CCDC73: variants seen among roughly 807,000 people sequenced by gnomAD.
CCDC73 encodes the protein coiled-coil domain-containing protein 73.
CCDC73 carries 95 observed loss-of-function variants against 116.5 expected under a neutral mutation model. That is an observed-to-expected ratio of 0.82 (90% confidence interval 0.69 to 0.97). CCDC73 has a LOEUF of 0.97. Ranked by LOEUF, CCDC73 falls within the 50% of genes least tolerant of loss-of-function variation. CCDC73 has a pLI of 0.00. For synonymous variants in CCDC73, 398 were observed against 401.3 expected (o/e 0.99, Z 0.10); for missense variants, 1,066 against 1,206.8 (o/e 0.88, Z 1.73).
chr11:32,787,483 G>C (rs1850638456), intron 1 of CCDC73, among the ~76,000 whole-genome samples: 1 of 152,000 alleles, frequency 6.6e-6, no homozygotes, highest in South Asian at 2.1e-4. Context: ...CGATTTTTCA[G>C]TAACAAAAAC....
At chr11:32,728,032 G>C (rs112197998) in intron 2 of CCDC73, among the ~76,000 whole-genome samples, 1 of 151,994 alleles carries the variant, frequency 6.6e-6, no homozygotes, top group African/African-American at 2.4e-5. Flanking sequence ...CAGGTGGATC[G>C]CTTGAGGCTA....
the CCDC73 span, among the ~76,000 whole-genome samples, chr11:32,816,315 G>C: frequency 1.3e-5 from 2 of 152,236 alleles, no homozygotes; most frequent in East Asian, 3.9e-4. Flanking sequence ...TTCTCATGTT[G>C]CCCATGAGAG....
chr11:32,760,147 T>C lies in CCDC73; in HGVS notation c.97A>G (p.Ser33Gly). The C allele has an allele frequency of 6.2e-7, 1 of 1,606,340 alleles. No homozygotes were observed. Among genetic ancestry groups the C allele is most frequent in the Non-Finnish European group, 8.5e-7 (1 of 1,176,546 alleles). Residue 33 changes from serine (S) to glycine (G), a missense_variant, in exon 2 of 18, where the codon AGT (serine) becomes GGT (glycine). By Grantham distance (56) the Ser-to-Gly change is moderately conservative. Transcript: ENST00000335185. Reference sequence around the variant, plus strand: ...AATTCTTCTAATGCCTCCAGTAAACTTGTTTTGAAATCTAATAGCTGAATA... The same window carrying C: ...AATTCTTCTAATGCCTCCAGTAAACCTGTTTTGAAATCTAATAGCTGAATA... ...FSIQLLDFKT[S>G]LLEALEELRM...
intron 9 of CCDC73, among the ~76,000 whole-genome samples, chr11:32,664,045 G>A (rs1855956328): frequency 1.3e-5 from 2 of 152,120 alleles, no homozygotes; most frequent in African/African-American, 4.8e-5. Context: ...TGATCATGGT[G>A]GATAAGCTTT....
At chr11:32,693,016 A>C (rs541757473) in intron 6 of CCDC73, among the ~76,000 whole-genome samples, 26 of 152,340 alleles carry the variant, frequency 1.7e-4, no homozygotes, top group African/African-American at 6.0e-4. Flanking sequence ...ACTATGTTTA[A>C]ATAGAAATGG....
chr11:32,656,812 AT>A (rs1855878115), intron 9 of CCDC73, among the ~76,000 whole-genome samples: 1 of 151,860 alleles, frequency 6.6e-6, no homozygotes, highest in South Asian at 2.1e-4. Flanking sequence ...TGACTACTTA[AT>A]TTTTTTAAAG....
intron 12 of CCDC73, among the ~76,000 whole-genome samples, chr11:32,646,228 A>G (rs1016378714): frequency 6.6e-6 from 1 of 152,144 alleles, no homozygotes; most frequent in Non-Finnish European, 1.5e-5. Flanking sequence ...CCATCCTTTC[A>G]TTACAATTTT....
rs1356259205 is a variant in CCDC73, at chr11:32,654,922, T to C, written c.696A>G (p.Gln232=). The change falls in exon 10 of 18, where the codon CAA becomes CAG. Residue 232 remains glutamine, a synonymous_variant. Coordinates refer to ENST00000335185, the MANE Select transcript of CCDC73 (RefSeq NM_001008391.4). The stretch of plus-strand genomic sequence containing the variant: ...TGATGTTTTCTTCTCCCATCTTATA[T>C]TGACATGTGACTTTGGACTTTATCA... ...SDLIKSKVTC[Q]YKMGEENINL... The C allele has an allele frequency of 5.6e-6, 9 of 1,604,664 alleles. No homozygotes were observed. Among genetic ancestry groups the C allele is most frequent in the East Asian group, 2.2e-5 (1 of 44,690 alleles).
intron 5 of CCDC73, among the ~76,000 whole-genome samples, chr11:32,699,528 C>T (rs1008476735): frequency 3.9e-5 from 6 of 152,084 alleles, no homozygotes; most frequent in African/African-American, 9.7e-5. Context: ...GGCACATATA[C>T]ACCATGGAAT....
intron 1 of CCDC73, among the ~76,000 whole-genome samples, chr11:32,776,579 C>T (rs1248311925): frequency 6.6e-6 from 1 of 152,052 alleles, no homozygotes; most frequent in Non-Finnish European, 1.5e-5. Context: ...ATCTTTTATG[C>T]CCATTTCAAG....
chr11:32,815,163 A>C, the CCDC73 span, among the ~76,000 whole-genome samples: 1 of 152,218 alleles, frequency 6.6e-6, no homozygotes, highest in African/African-American at 2.4e-5. Context: ...TGTACATGTA[A>C]AAAGATGAAT....
chr11:32,624,000 T>C (rs1181998049), intron 14 of CCDC73, among the ~76,000 whole-genome samples: 4 of 151,996 alleles, frequency 2.6e-5, no homozygotes, highest in Non-Finnish European at 5.9e-5. Flanking sequence ...TATAAACTGG[T>C]ACAACATTTC....
At chr11:32,725,598 A>G (rs1348936888) in intron 2 of CCDC73, among the ~76,000 whole-genome samples, 1 of 152,154 alleles carries the variant, frequency 6.6e-6, no homozygotes, top group Non-Finnish European at 1.5e-5. Flanking sequence ...TATTCATTTC[A>G]GCTAACTTAT....
chr11:32,614,125 A>G lies in CCDC73; in HGVS notation c.2193T>C (p.His731=), dbSNP rs1238324715. 1.2e-6 allele frequency: 2 copies of G among 1,613,544 alleles called. No homozygotes were observed. Among genetic ancestry groups the G allele is most frequent in the East Asian group, 2.2e-5 (1 of 44,844 alleles). The part of the protein sequence containing the change: ...LLLKNSDKNV[H]SMSMLVKPNS... ...TAGGTTTCACCAACATAGACATACT[A>G]TGGACATTTTTATCTGAGTTCTTCA... Residue 731 remains histidine, a synonymous_variant, in exon 16 of 18, where the codon CAT becomes CAC. Coordinates refer to ENST00000335185, the MANE Select transcript of CCDC73 (RefSeq NM_001008391.4).
At chr11:32,741,262 G>T (rs935140190) in intron 2 of CCDC73, among the ~76,000 whole-genome samples, 1 of 151,880 alleles carries the variant, frequency 6.6e-6, no homozygotes, top group African/African-American at 2.4e-5. Context: ...AATGTTGAAA[G>T]TGGAGTGTTG....
Position 32,642,047 on chromosome 11 carries a change from CT to C in CCDC73, c.974del (p.Lys325ArgfsTer2). On this transcript the variant is annotated frameshift_variant, in exon 13 of 18. Transcript: ENST00000335185. LOFTEE classifies it high-confidence loss of function. The part of the protein sequence containing the change: ...LERDNELQRE[K>X]VKENEEKFLN... ...GAAACTTTTCTTCATTTTCTTTTACCTTCTCCCTTTGCAGCTCATTATCTCT... is the reference window on the plus strand; with the variant it reads ...GAAACTTTTCTTCATTTTCTTTTACCTCTCCCTTTGCAGCTCATTATCTCT... 6.4e-7 allele frequency: 1 copy of C among 1,566,864 alleles called. No individual in the cohort carries two copies. Among genetic ancestry groups the C allele is most frequent in the Non-Finnish European group, 8.7e-7 (1 of 1,155,482 alleles).
rs139034239 is a variant in CCDC73 at position 32,627,128 on chromosome 11, A to G, written c.1185+8568T>C. Among the ~76,000 whole-genome samples, 1,089 of 152,324 alleles carry G rather than the reference A, an allele frequency of 7.1e-3. 17 individuals are homozygous for G. The highest frequency in any genetic ancestry group is 0.025 in the African/African-American group (1,051 of 41,558). On this transcript the variant is annotated intron_variant, in intron 14 of 17. Coordinates refer to ENST00000335185, the MANE Select transcript of CCDC73 (RefSeq NM_001008391.4). ...GAATACAAACAAATTTACAAGAAAA[A>G]AACAAACAACCCCATCAACAAGTGG...
intron 14 of CCDC73, among the ~76,000 whole-genome samples, chr11:32,632,217 G>A (rs1855637718): frequency 6.6e-6 from 1 of 151,694 alleles, no homozygotes; most frequent in Admixed American, 6.6e-5. Flanking sequence ...GTTGGTGGAA[G>A]GTTTATTTTT....
chr11:32,625,458 C>T (rs1168745583), intron 14 of CCDC73, among the ~76,000 whole-genome samples: 1 of 152,076 alleles, frequency 6.6e-6, no homozygotes, highest in African/African-American at 2.4e-5. Context: ...TTCAGGAGCT[C>T]TTATAGGGCA....
Sources: allele counts gnomAD v4.1 joint callset (sites outside exome capture counted in the v4.1 genomes callset), GRCh38; gene constraint gnomAD v4.1.1; transcripts MANE v1.5; gene names NCBI Gene and HGNC (gene_info 2026-07-23, HGNC 2026-07-21).